Variants in HS3ST2 observed in about 807,000 individuals in gnomAD.
HS3ST2 encodes the protein heparan sulfate glucosamine 3-O-sulfotransferase 2.
A neutral mutation model predicts 26.3 loss-of-function variants in HS3ST2; 17 were observed. That is an observed-to-expected ratio of 0.65 (90% CI 0.44 to 0.97). The LOEUF (loss-of-function observed/expected upper bound fraction) is 0.97. Ranked by LOEUF, HS3ST2 falls within the 50% of genes least tolerant of loss-of-function variation. The pLI is 0.00. For synonymous variants in HS3ST2, 237 were observed against 219.2 expected (o/e 1.08, Z -0.72); for missense variants, 402 against 501.2 (o/e 0.80, Z 1.89).
intron 1 of HS3ST2, among the ~76,000 whole-genome samples, chr16:22,832,491 C>T (rs778778951): frequency 2.6e-5 from 4 of 151,744 alleles, no homozygotes; most frequent in Admixed American, 2.0e-4. Context: ...TGGATGTGGG[C>T]GGTATTCAAG....
intron 1 of HS3ST2, among the ~76,000 whole-genome samples, chr16:22,831,359 G>T (rs1901165153): frequency 6.6e-6 from 1 of 152,128 alleles, no homozygotes; most frequent in African/African-American, 2.4e-5. Flanking sequence ...GGGAGGGTCT[G>T]GCTGACATTA....
intron 1 of HS3ST2, among the ~76,000 whole-genome samples, chr16:22,910,860 C>G (rs944031774): frequency 2.0e-5 from 3 of 152,044 alleles, no homozygotes; most frequent in African/African-American, 7.2e-5. Flanking sequence ...TTCTCGGAGA[C>G]TAGCAGGAGG....
intron 1 of HS3ST2, among the ~76,000 whole-genome samples, chr16:22,891,886 G>A (rs374734171): frequency 1.7e-4 from 26 of 152,188 alleles, no homozygotes; most frequent in East Asian, 9.7e-4. Context: ...TTCCTATTTC[G>A]AATTTATAAG....
intron 1 of HS3ST2, among the ~76,000 whole-genome samples, chr16:22,864,826 A>G (rs1473146334): frequency 6.8e-6 from 1 of 147,462 alleles, no homozygotes; most frequent in East Asian, 2.0e-4. Context: ...CAGGAAGATC[A>G]CTTGAGCCCA....
chr16:22,829,699 C>G (rs1021620625), intron 1 of HS3ST2, among the ~76,000 whole-genome samples: 1 of 152,116 alleles, frequency 6.6e-6, no homozygotes, highest in African/African-American at 2.4e-5. Flanking sequence ...TCTGCCATGG[C>G]TGTGGGGTAA....
chr16:22,846,131 G>C (rs1197874832), intron 1 of HS3ST2, among the ~76,000 whole-genome samples: 5 of 152,120 alleles, frequency 3.3e-5, no homozygotes, highest in Non-Finnish European at 7.4e-5. Context: ...TACAAAATTA[G>C]CCAGGCATGG....
At chr16:22,857,085 G>A (rs532598041) in intron 1 of HS3ST2, among the ~76,000 whole-genome samples, 7 of 152,084 alleles carry the variant, frequency 4.6e-5, no homozygotes, top group Non-Finnish European at 7.3e-5. Context: ...TTACCATCAT[G>A]ATCGTTTCAT....
chr16:22,881,008 G>A (rs1901983385), intron 1 of HS3ST2, among the ~76,000 whole-genome samples: 1 of 152,210 alleles, frequency 6.6e-6, no homozygotes, highest in Non-Finnish European at 1.5e-5. Context: ...AAGTATGTGT[G>A]GCAATACATT....
intron 1 of HS3ST2, among the ~76,000 whole-genome samples, chr16:22,829,487 T>TA (rs527719324): frequency 0.03 from 4,581 of 152,086 alleles, 93 homozygotes; most frequent in Middle Eastern, 0.1. Flanking sequence ...AGCTTTTTTT[T>TA]AAAAAGAAAA....
chr16:22,879,141 C>T (rs1901955819), intron 1 of HS3ST2, among the ~76,000 whole-genome samples: 1 of 152,220 alleles, frequency 6.6e-6, no homozygotes, highest in Non-Finnish European at 1.5e-5. Context: ...GCTCTGGCTG[C>T]AAACTCAGCA....
At chr16:22,864,444 A>T (rs1333948390) in intron 1 of HS3ST2, among the ~76,000 whole-genome samples, 1 of 152,214 alleles carries the variant, frequency 6.6e-6, no homozygotes, top group Non-Finnish European at 1.5e-5. Flanking sequence ...ATTAACTAGC[A>T]TCTCTAATTC....
intron 1 of HS3ST2, among the ~76,000 whole-genome samples, chr16:22,842,282 C>T (rs570595681): frequency 1.3e-5 from 2 of 152,118 alleles, no homozygotes; most frequent in East Asian, 1.9e-4. Flanking sequence ...AAGCTCGTCT[C>T]GAACTCCTGA....
chr16:22,904,144 G>A (rs957573718), intron 1 of HS3ST2, among the ~76,000 whole-genome samples: 31 of 152,176 alleles, frequency 2.0e-4, no homozygotes, highest in African/African-American at 7.2e-4. Context: ...TCCCACCAGA[G>A]GAAGAAAGCT....
chr16:22,858,344 T>C (rs12598007), intron 1 of HS3ST2, among the ~76,000 whole-genome samples: 44,825 of 149,430 alleles, frequency 0.3, 7,328 homozygotes, highest in East Asian at 0.51. Flanking sequence ...CAAATTTTTT[T>C]TAAAAAATTT....
In HS3ST2 at chr16:22,815,038, T is replaced by C. The variant is rs994948373; in HGVS notation, c.428T>C (p.Leu143Ser). 2.5e-6 allele frequency: 4 copies of C among 1,613,148 alleles called. No individual in the cohort carries two copies. Among genetic ancestry groups the C allele is most frequent in the Non-Finnish European group, 3.4e-6 (4 of 1,180,028 alleles). Residue 143 changes from leucine to serine, a missense_variant, in exon 1 of 2, where the codon TTG (leucine) becomes TCG (serine). Leu to Ser is a moderately radical substitution (Grantham distance 145). This residue lies in a region of HS3ST2 where 237 missense variants were observed against 346.6 expected (regional missense o/e 0.68). Transcript: ENST00000261374. ...FIRVHPDVRA[L>S]GTEPHFFDRN... ...CGAGTACACCCGGACGTGCGGGCCT[T>C]GGGCACGGAACCCCACTTCTTTGAC... is the stretch of plus-strand genomic sequence containing the variant.
intron 1 of HS3ST2, among the ~76,000 whole-genome samples, chr16:22,873,982 T>C (rs2519975): frequency 0.66 from 99,918 of 152,028 alleles, 33,618 homozygotes; most frequent in East Asian, 0.92. Context: ...GTTCCGGGAA[T>C]AGCAGGAGGG....
At chr16:22,890,898 C>T (rs920746976) in intron 1 of HS3ST2, among the ~76,000 whole-genome samples, 9 of 152,154 alleles carry the variant, frequency 5.9e-5, no homozygotes, top group Non-Finnish European at 1.2e-4. Flanking sequence ...TCCAATTCTC[C>T]GCATTCAGCA....
At chr16:22,870,816 C>T (rs1377423053) in intron 1 of HS3ST2, among the ~76,000 whole-genome samples, 1 of 152,148 alleles carries the variant, frequency 6.6e-6, no homozygotes, top group African/African-American at 2.4e-5. Flanking sequence ...CTCCCTGGCC[C>T]TCCATCACTC....
chr16:22,839,617 CT>C (rs3831620), intron 1 of HS3ST2, among the ~76,000 whole-genome samples: 27 of 148,026 alleles, frequency 1.8e-4, no homozygotes, highest in East Asian at 1.4e-3. Context: ...ATATTGTATG[CT>C]TTTTTTTTTG....
Sources: gnomAD v4.1 joint callset for allele counts (sites outside exome capture counted in the v4.1 genomes callset) on GRCh38, gnomAD v4.1.1 for gene constraint, gnomAD v4.1.1 regional missense constraint, MANE v1.5 for transcripts, NCBI Gene and HGNC (gene_info 2026-07-23, HGNC 2026-07-21) for gene names.